HSD17B4: variants seen among roughly 807,000 people sequenced by gnomAD.
The protein encoded by HSD17B4 is peroxisomal multifunctional enzyme type 2.
In HSD17B4, 70 loss-of-function variants were observed where a neutral mutation model predicts 101.0. The ratio of observed to expected loss-of-function variants is 0.69; its 90% CI spans 0.57 to 0.85. The LOEUF is 0.85. Among genes scored for constraint, HSD17B4 ranks in the 40% least tolerant of loss-of-function variants. The pLI is 0.00. For missense variants in HSD17B4, 984 were observed against 892.4 expected (o/e 1.10, Z -1.31); for synonymous variants, 347 against 297.1 (o/e 1.17, Z -1.73).
intron 22 of HSD17B4, among the ~76,000 whole-genome samples, chr5:119,532,173 A>T (rs190344977): frequency 5.3e-5 from 8 of 152,284 alleles, no homozygotes; most frequent in East Asian, 1.9e-4. Context: ...TTTCCTAGAG[A>T]TTCTTCAATT....
chr5:119,520,771 G>A (rs566060101), intron 17 of HSD17B4, among the ~76,000 whole-genome samples: 1 of 151,990 alleles, frequency 6.6e-6, no homozygotes, highest in East Asian at 1.9e-4. Flanking sequence ...AGCAAAAGTC[G>A]TGTATACCTT....
chr5:119,537,851 A>C (rs571355677), intron 23 of HSD17B4, among the ~76,000 whole-genome samples: 2 of 152,268 alleles, frequency 1.3e-5, no homozygotes, highest in East Asian at 3.9e-4. Flanking sequence ...GTTGTTTGCC[A>C]ACCCTTGAGT....
intron 16 of HSD17B4, among the ~76,000 whole-genome samples, chr5:119,511,216 A>G (rs1249787260): frequency 6.6e-6 from 1 of 152,236 alleles, no homozygotes; most frequent in Admixed American, 6.5e-5. Flanking sequence ...TCACAAGGAA[A>G]CAGAGTCTTT....
intron 2 of HSD17B4, among the ~76,000 whole-genome samples, chr5:119,466,514 A>G (rs1023546392): frequency 2.6e-5 from 4 of 151,978 alleles, no homozygotes; most frequent in Admixed American, 6.6e-5. Context: ...CAGATTTTCT[A>G]TTTCTTCTGA....
intron 12 of HSD17B4, 59 bp downstream of exon 12, chr5:119,496,705 C>T: frequency 1.1e-6 from 1 of 891,496 alleles, no homozygotes; most frequent in Non-Finnish European, 1.9e-6. Context: ...CTCCCTTCTT[C>T]CCTCCCTGCT....
At chr5:119,454,912 A>G (rs144603394) in intron 1 of HSD17B4, among the ~76,000 whole-genome samples, 41 of 151,224 alleles carry the variant, frequency 2.7e-4, no homozygotes, top group African/African-American at 9.2e-4. Flanking sequence ...GTGTGTCACT[A>G]CTCCTGGCCT....
chr5:119,527,136 C>A lies in HSD17B4; in HGVS notation c.1684C>A (p.Arg562Ser). The A allele has an allele frequency of 6.3e-7, 1 of 1,583,282 alleles. No homozygotes were observed. The highest frequency in any genetic ancestry group is 1.1e-5 in the South Asian group (1 of 90,366). The change falls in exon 20 of 24, where the codon CGT (arginine) becomes AGT (serine). Residue 562 changes from arginine (R) to serine (S), a missense_variant. Coordinates refer to ENST00000510025, the MANE Select transcript of HSD17B4 (RefSeq NM_000414.4). ...ACCCCACAATTCTTTTTTAAAGGCT[C>A]GTTTTGCAAAACCAGTATATCCAGG... ...DVSRFKAIKA[R>S]FAKPVYPGQT... is the part of the protein sequence containing the mutation.
chr5:119,490,694 G>T (rs1479856703), intron 9 of HSD17B4, among the ~76,000 whole-genome samples: 5 of 152,086 alleles, frequency 3.3e-5, no homozygotes, highest in Admixed American at 2.6e-4. Flanking sequence ...TTAGCCTCCT[G>T]AGTATCTGGG....
At chr5:119,496,964 T>G (rs912804090) in intron 12 of HSD17B4, among the ~76,000 whole-genome samples, 1 of 152,200 alleles carries the variant, frequency 6.6e-6, no homozygotes, top group Admixed American at 6.5e-5. Context: ...TCTTTTTAGT[T>G]TCTCCTTTTC....
intron 2 of HSD17B4, among the ~76,000 whole-genome samples, chr5:119,473,273 C>CTTTTTTTTTTTTTTTT (rs11408993): frequency 2.7e-5 from 1 of 36,964 alleles, no homozygotes; most frequent in Non-Finnish European, 4.6e-5. Flanking sequence ...GTGGATGAAT[C>CTTTTTTTTTTTTTTTT]TTTTTTTTTT....
At chr5:119,533,289 C>CT (rs34132585) in intron 22 of HSD17B4, among the ~76,000 whole-genome samples, 90,829 of 147,446 alleles carry the variant, frequency 0.62, 28,515 homozygotes, top group African/African-American at 0.76. Flanking sequence ...GACAGGATGC[C>CT]TTTTTTTTTT....
At chr5:119,461,036 A>T (rs1755175517) in intron 2 of HSD17B4, among the ~76,000 whole-genome samples, 1 of 152,156 alleles carries the variant, frequency 6.6e-6, no homozygotes, top group Non-Finnish European at 1.5e-5. Context: ...ATGAGGGCAG[A>T]GGGGTCCTAG....
At chr5:119,539,059 T>C (rs1754761505) in intron 23 of HSD17B4, among the ~76,000 whole-genome samples, 1 of 152,068 alleles carries the variant, frequency 6.6e-6, no homozygotes, top group Non-Finnish European at 1.5e-5. Context: ...TGTATAGAAA[T>C]TAGAAACTTC....
rs1754532004 is a variant in HSD17B4 at position 119,536,341 on chromosome 5, G to A, written c.1994-82G>A. On this transcript the variant is annotated intron_variant, in intron 22 of 23. Coordinates refer to ENST00000510025, the MANE Select transcript of HSD17B4 (RefSeq NM_000414.4). ...ACATTAACATGGAAACTATAGAAAT[G>A]TCTGCATTTTACTTGGTTTATTTTA... The A allele has an allele frequency of 4.2e-6, 5 of 1,201,310 alleles. No individual in the cohort carries two copies. The South Asian group carries it at 6.1e-5, about 15-fold the overall frequency. 74.4% of individuals were successfully genotyped at this position (1,201,310 alleles called of 1,614,324 possible).
At chr5:119,478,218 C>T in intron 7 of HSD17B4, 1 of 154,420 alleles carries the variant, frequency 6.5e-6, no homozygotes, top group Non-Finnish European at 1.4e-5. Flanking sequence ...CTCATTGTGG[C>T]AGTGCTAGTA....
intron 23 of HSD17B4, among the ~76,000 whole-genome samples, chr5:119,540,049 G>A (rs552393065): frequency 1.3e-5 from 2 of 152,112 alleles, no homozygotes; most frequent in South Asian, 4.1e-4. Flanking sequence ...GTGTGATCAT[G>A]CAGCTGTAGC....
chr5:119,508,230 C>CAAATGTAACA (rs1751841600), intron 15 of HSD17B4, among the ~76,000 whole-genome samples: 4 of 146,832 alleles, frequency 2.7e-5, no homozygotes, highest in Non-Finnish European at 4.5e-5. Context: ...TGTAACATAC[C>CAAATGTAACA]AAAAAAAAAA....
chr5:119,493,541 T>C, intron 10 of HSD17B4: 1 of 362,684 alleles, frequency 2.8e-6, no homozygotes. Context: ...ATAATTAAAC[T>C]TTTTCACATA....
At position 119,473,924 on chromosome 5, in the gene HSD17B4, G is replaced by C; in HGVS notation, c.129G>C (p.Gly43=). The part of the protein sequence containing the change: ...GALVVVNDLG[G]DFKGVGKGSL... Reference sequence around the variant, plus strand: ...GCATTACAGTGAATGATTTGGGAGGGGACTTCAAAGGAGTTGGTAAAGGCT... The same window carrying C: ...GCATTACAGTGAATGATTTGGGAGGCGACTTCAAAGGAGTTGGTAAAGGCT... Residue 43 remains glycine (G), a synonymous_variant, in exon 3 of 24, where the codon GGG becomes GGC. Transcript: ENST00000510025. 6.3e-7 allele frequency: 1 copy of C among 1,597,212 alleles called. No homozygotes were observed. The highest frequency in any genetic ancestry group is 8.6e-7 in the Non-Finnish European group (1 of 1,164,666).
Sources: allele counts gnomAD v4.1 joint callset (sites outside exome capture counted in the v4.1 genomes callset), GRCh38; gene constraint gnomAD v4.1.1; transcripts MANE v1.5; gene names NCBI Gene and HGNC (gene_info 2026-07-23, HGNC 2026-07-21).